The following RNF216 variants were observed in gnomAD, a reference collection of about 807,000 sequenced individuals.
RNF216 encodes ring finger protein 216, also known as E3 ubiquitin-protein ligase RNF216.
Under a neutral mutation model 110.8 loss-of-function variants are expected in RNF216, and 72 were observed. That is an observed-to-expected ratio of 0.65 (90% CI 0.54 to 0.79). The LOEUF (loss-of-function observed/expected upper bound fraction) is 0.79. Among genes scored for constraint, RNF216 ranks in the 30% least tolerant of loss-of-function variants. The pLI is 0.00. For missense variants in RNF216, 1,342 were observed against 1,141.2 expected, an observed-to-expected ratio of 1.18 and a Z score of -2.54; for synonymous variants, 495 against 407.5, an observed-to-expected ratio of 1.21 and a Z score of -2.59.
At chr7:5,762,174 T>C (rs1398647768) in intron 1 of RNF216, among the ~76,000 whole-genome samples, 1 of 152,226 alleles carries the variant, frequency 6.6e-6, no homozygotes, top group Admixed American at 6.5e-5. Context: ...ATAAGTGTGA[T>C]ACCATTTATG....
intron 13 of RNF216, among the ~76,000 whole-genome samples, chr7:5,664,108 C>A (rs1562803364): frequency 6.6e-6 from 1 of 152,070 alleles, no homozygotes; most frequent in African/African-American, 2.4e-5. Context: ...AATGTCTGAG[C>A]TGGAGGCTGG....
At position 5,696,562 on chromosome 7, in the gene RNF216, C is replaced by G. The variant is rs760589558; in HGVS notation, c.2061+15199G>C. Among the ~76,000 whole-genome samples the G allele has an allele frequency of 6.6e-6, 1 of 152,162 alleles. No homozygotes were observed. Among genetic ancestry groups the G allele is most frequent in the Non-Finnish European group, 1.5e-5 (1 of 68,020 alleles). ...GCAGGCCGGGGCAGCCTCCTAGACACGCGTGCCCAAGATCGTGTCCTATGG... is the reference window on the plus strand; with the variant it reads ...GCAGGCCGGGGCAGCCTCCTAGACAGGCGTGCCCAAGATCGTGTCCTATGG... On this transcript the variant is annotated intron_variant, in intron 13 of 16. Coordinates refer to ENST00000389902, the MANE Select transcript of RNF216 (RefSeq NM_207111.4). This position sits in a 1 kb window ranked among gnomAD's most constrained non-coding sequence, Gnocchi z 5.4.
Position 5,663,636 on chromosome 7 carries a change from C to T in RNF216, c.2062-11126G>A, listed in dbSNP as rs938828002. 3.5e-5 allele frequency among the ~76,000 whole-genome samples: 5 copies of T among 144,464 alleles called. No homozygotes were observed. In the South Asian group the frequency reaches 8.9e-4, roughly 26 times the overall value. The allele number at this position is 144,464 out of a possible 152,430, so 94.8% of individuals were successfully genotyped here. ...TCACTTGAGGCCGGGCACAGTGGTT[C>T]GTGCCTGTAATCGCAGCACTTTGGG... On this transcript the variant is annotated intron_variant, in intron 13 of 16. Transcript: ENST00000389902.
intron 3 of RNF216, among the ~76,000 whole-genome samples, chr7:5,744,775 C>T (rs908480031): frequency 6.6e-6 from 1 of 152,064 alleles, no homozygotes; most frequent in Non-Finnish European, 1.5e-5. Context: ...AAGTTTGAGA[C>T]CAGCCTGACC....
At chr7:5,690,684 A>C (rs553407231) in intron 13 of RNF216, among the ~76,000 whole-genome samples, 7 of 152,300 alleles carry the variant, frequency 4.6e-5, no homozygotes, top group Non-Finnish European at 1.0e-4. Flanking sequence ...AGAAGTCCAC[A>C]AAGGCAGTGG....
intron 1 of RNF216, among the ~76,000 whole-genome samples, chr7:5,772,450 A>G (rs1161880016): frequency 5.9e-5 from 9 of 151,904 alleles, no homozygotes; most frequent in Admixed American, 3.3e-4. Flanking sequence ...TGTGTCACCC[A>G]GGCTGGAGTG....
chr7:5,633,123 G>C (rs1787177694), intron 15 of RNF216, among the ~76,000 whole-genome samples: 1 of 151,924 alleles, frequency 6.6e-6, no homozygotes. Context: ...GGGAGTACAG[G>C]CGTCCGCCCC....
intron 8 of RNF216, among the ~76,000 whole-genome samples, chr7:5,722,369 G>GTTTTT (rs36102190): frequency 5.6e-5 from 8 of 143,602 alleles, no homozygotes; most frequent in Non-Finnish European, 7.6e-5. Context: ...TCATTCTCAT[G>GTTTTT]TTTTTTTTTT....
At chr7:5,726,444 C>T (rs574417416) in intron 7 of RNF216, among the ~76,000 whole-genome samples, 1 of 152,172 alleles carries the variant, frequency 6.6e-6, no homozygotes, top group Admixed American at 6.5e-5. Flanking sequence ...CTGTGTGCAC[C>T]TATATCCACC....
At chr7:5,639,737 G>C (rs1392173117) in intron 15 of RNF216, among the ~76,000 whole-genome samples, 1 of 151,532 alleles carries the variant, frequency 6.6e-6, no homozygotes, top group South Asian at 2.1e-4. Flanking sequence ...TAGGATTATA[G>C]GCATGTGACA....
At chr7:5,749,279 T>C (rs112099010) in intron 3 of RNF216, among the ~76,000 whole-genome samples, 4,744 of 151,470 alleles carry the variant, frequency 0.031, 237 homozygotes, top group African/African-American at 0.11. Flanking sequence ...GCCTCCTGAG[T>C]AGCTGGAATT....
chr7:5,652,015 T>C (rs1438268545), intron 14 of RNF216, among the ~76,000 whole-genome samples: 1 of 152,210 alleles, frequency 6.6e-6, no homozygotes, highest in Non-Finnish European at 1.5e-5. Context: ...TGGTTATTAT[T>C]ATCACAGGCG....
At chr7:5,758,407 T>C (rs1795758664) in intron 2 of RNF216, among the ~76,000 whole-genome samples, 2 of 152,226 alleles carry the variant, frequency 1.3e-5, no homozygotes, top group African/African-American at 4.8e-5. Context: ...CTAATAAAAT[T>C]TGCTCAATTT....
At chr7:5,641,915 C>T (rs572444867) in intron 14 of RNF216, among the ~76,000 whole-genome samples, 12 of 151,682 alleles carry the variant, frequency 7.9e-5, no homozygotes, top group Non-Finnish European at 1.8e-4. Flanking sequence ...CACCTGTAAT[C>T]CCAGCTACTT....
chr7:5,751,194 CAA>C (rs1160059113), intron 3 of RNF216, among the ~76,000 whole-genome samples: 1 of 151,584 alleles, frequency 6.6e-6, no homozygotes, highest in Non-Finnish European at 1.5e-5. Context: ...ACAACAACAA[CAA>C]AAAAAAGTGT....
chr7:5,630,594 T>C (rs1180734986), intron 15 of RNF216, among the ~76,000 whole-genome samples: 2 of 152,168 alleles, frequency 1.3e-5, no homozygotes, highest in Non-Finnish European at 2.9e-5. Flanking sequence ...GTTCTCACTG[T>C]GTTGTCCAGG....
At chr7:5,731,809 ATAG>A (rs1479389936) in intron 5 of RNF216, among the ~76,000 whole-genome samples, 1 of 151,428 alleles carries the variant, frequency 6.6e-6, no homozygotes, top group Non-Finnish European at 1.5e-5. Context: ...AAGGCCTGTA[ATAG>A]TAGAACAGGA....
At position 5,696,814 on chromosome 7, in the gene RNF216, C is replaced by T. The variant is rs1441500732; in HGVS notation, c.2061+14947G>A. ...GAGGGCTGTAGGAGGACGGCATGTC[C>T]CCAGGTTACTAGAAATGACTTGCCA... On this transcript the variant is annotated intron_variant, in intron 13 of 16. Transcript: ENST00000389902. The surrounding 1 kb of genome is among the most constrained non-coding windows in gnomAD (Gnocchi z 5.4). Among the ~76,000 whole-genome samples, 1 of 152,146 alleles carries T rather than the reference C, an allele frequency of 6.6e-6. No homozygotes were observed. Among genetic ancestry groups the T allele is most frequent in the Non-Finnish European group, 1.5e-5 (1 of 68,016 alleles).
chr7:5,748,769 C>G lies in RNF216; in HGVS notation c.201+4077G>C, dbSNP rs185280714. ...AGTTAAGGCTTTGGTCAACAGTATG[C>G]TATTAGTACTTAAGTTTTTGGGGAG... On this transcript the variant is annotated intron_variant, in intron 3 of 16. Transcript: ENST00000389902. Among the ~76,000 whole-genome samples, 648 of 152,146 alleles carry G rather than the reference C, an allele frequency of 4.3e-3. 4 individuals carry two copies. The highest frequency in any genetic ancestry group is 0.027 in the Middle Eastern group (8 of 294).
Sources: gnomAD v4.1 joint callset for allele counts (sites outside exome capture counted in the v4.1 genomes callset) on GRCh38, gnomAD v4.1.1 for gene constraint, Gnocchi (gnomAD v3.1) non-coding constraint, MANE v1.5 for transcripts, NCBI Gene and HGNC (gene_info 2026-07-23, HGNC 2026-07-21) for gene names.